Variants in SPOCD1 observed in about 807,000 individuals in gnomAD.
The protein encoded by SPOCD1 is SPOC domain-containing protein 1.
A neutral mutation model predicts 92.2 loss-of-function variants in SPOCD1; 64 were observed. That is an observed-to-expected ratio of 0.69 (90% CI 0.57 to 0.86). The LOEUF is 0.86. Ranked by LOEUF, SPOCD1 falls within the 40% of genes least tolerant of loss-of-function variation. The pLI, the probability that SPOCD1 is intolerant of heterozygous loss-of-function variation, is 0.00. For synonymous variants in SPOCD1, 578 were observed against 619.3 expected, an observed-to-expected ratio of 0.93 and a Z score of 0.99; for missense variants, 1,360 against 1,543.1, an observed-to-expected ratio of 0.88 and a Z score of 1.99.
chr1:31,798,314 G>A lies in SPOCD1; in HGVS notation c.2038C>T (p.Leu680Phe). ...GTGACATCTCCATGAACCACTTTGA[G>A]AAACAAGTCCTGGTGGGGGCAGGGG... ...LRDPRNLDLF[L>F]KVVHGDVTPY... is the part of the protein sequence containing the mutation. The change falls in exon 9 of 16, where the codon CTC becomes TTC. Residue 680 changes from leucine to phenylalanine, a missense_variant. Coordinates refer to ENST00000360482, the MANE Select transcript of SPOCD1 (RefSeq NM_144569.7). The surrounding 1 kb of genome is among the most constrained non-coding windows in gnomAD (Gnocchi z 4.1). The A allele has an allele frequency of 6.2e-7, 1 of 1,613,556 alleles. No individual in the cohort carries two copies. Among genetic ancestry groups the A allele is most frequent in the Non-Finnish European group, 8.5e-7 (1 of 1,179,846 alleles).
At chr1:31,800,652 G>A (rs772983264) in intron 3 of SPOCD1, 35 bp from the exon 4 acceptor site, 13 of 1,544,514 alleles carry the variant, frequency 8.4e-6, no homozygotes, top group Admixed American at 5.7e-5. Context: ...AGCAAGCGGG[G>A]CCAGCCGCTG....
chr1:31,792,339 G>C lies in SPOCD1; in HGVS notation c.2838C>G (p.Leu946=). 2 of 1,614,042 alleles carry C rather than the reference G, an allele frequency of 1.2e-6. No individual in the cohort carries two copies. Among genetic ancestry groups the C allele is most frequent in the Non-Finnish European group, 1.7e-6 (2 of 1,180,032 alleles). ...GARDTQNCRL[L]YSYLNDRQRH... is the part of the protein sequence containing the mutation. ...GCTGCCTATCATTGAGGTATGAGTA[G>C]AGCAGGCGGCAGTTCTGGGTGTCCC... The change falls in exon 15 of 16, where the codon CTC becomes CTG. Residue 946 remains leucine (L), a synonymous_variant. Transcript: ENST00000360482.
intron 10 of SPOCD1, chr1:31,795,668 C>T (rs1647956446): frequency 1.3e-5 from 2 of 152,198 alleles, no homozygotes; most frequent in Non-Finnish European, 2.9e-5. Flanking sequence ...GAGGTTCTCC[C>T]AGTCGTTGGC....
chr1:31,807,234 CAAAAATTAGCCAG>C (rs1648880511), intron 2 of SPOCD1, among the ~76,000 whole-genome samples: 1 of 146,840 alleles, frequency 6.8e-6, no homozygotes, highest in Non-Finnish European at 1.5e-5. Flanking sequence ...GCTAAAAATA[CAAAAATTAGCCAG>C]ACGTGGTGGC....
intron 2 of SPOCD1, among the ~76,000 whole-genome samples, chr1:31,809,781 A>C (rs946562989): frequency 3.3e-5 from 5 of 152,154 alleles, no homozygotes; most frequent in Admixed American, 6.5e-5. Flanking sequence ...GGAACAGAAG[A>C]AGCTCTCTCT....
At position 31,815,098 on chromosome 1, in the gene SPOCD1, C is replaced by T. The variant is rs201703298; in HGVS notation, c.236G>A (p.Arg79Gln). 300 of 1,612,794 alleles carry T rather than the reference C, an allele frequency of 1.9e-4. 5 individuals carry two copies. Among genetic ancestry groups the T allele is most frequent in the South Asian group, 3.3e-4 (30 of 91,064 alleles). Reference sequence around the variant, plus strand: ...AGCTAGCAGCTCCAAGACCCCTGGCCGGACCTCAGCAGCACCTGCAGCCCG... The same window carrying T: ...AGCTAGCAGCTCCAAGACCCCTGGCTGGACCTCAGCAGCACCTGCAGCCCG... ...SSRAAGAAEV[R>Q]PGVLELLAVV... is the part of the protein sequence containing the mutation. The change falls in exon 2 of 16, where the codon CGG becomes CAG. Residue 79 changes from arginine to glutamine, a missense_variant. Coordinates refer to ENST00000360482, the MANE Select transcript of SPOCD1 (RefSeq NM_144569.7).
At position 31,790,691 on chromosome 1, in the gene SPOCD1, G is replaced by A; in HGVS notation, c.3563C>T (p.Ala1188Val). ...PLQRLSSALA[A>V]PEPPGPARDS... ...ACGGGCTGGGCCAGGGGGCTCTGGA[G>A]CTGCAAGGGCGCTAGACAAACGCTG... The change falls in exon 16 of 16, where the codon GCT (alanine) becomes GTT (valine). Residue 1188 changes from alanine to valine, a missense_variant. Transcript: ENST00000360482. The A allele has an allele frequency of 1.3e-6, 2 of 1,551,910 alleles. No individual in the cohort carries two copies. Among genetic ancestry groups the A allele is most frequent in the Non-Finnish European group, 1.7e-6 (2 of 1,147,082 alleles).
At chr1:31,799,689 C>A in intron 6 of SPOCD1, 120 bp downstream of exon 6, 1 of 1,333,020 alleles carries the variant, frequency 7.5e-7, no homozygotes, top group Non-Finnish European at 1.1e-6. Context: ...GAGCTATAGG[C>A]TGATGGGATG....
chr1:31,811,064 C>T (rs1431376064), intron 2 of SPOCD1, among the ~76,000 whole-genome samples: 1 of 152,222 alleles, frequency 6.6e-6, no homozygotes, highest in Non-Finnish European at 1.5e-5. Context: ...CAGAAGAATA[C>T]AACACGGCCA....
chr1:31,792,426 T>G, intron 14 of SPOCD1, 25 bp from the exon 15 acceptor site: 1 of 1,608,616 alleles, frequency 6.2e-7, no homozygotes, highest in Non-Finnish European at 8.5e-7. Flanking sequence ...GGAGAGCAGC[T>G]GTAAGCGCAG....
intron 10 of SPOCD1, chr1:31,795,475 G>C (rs1254186538): frequency 1.3e-5 from 2 of 152,216 alleles, no homozygotes; most frequent in Non-Finnish European, 2.9e-5. Flanking sequence ...TCAATAAACA[G>C]TAAAGATAGC....
At position 31,804,161 on chromosome 1, in the gene SPOCD1, T is replaced by C. The variant is rs546481087; in HGVS notation, c.1384-2456A>G. Among the ~76,000 whole-genome samples the C allele has an allele frequency of 5.3e-5, 8 of 152,360 alleles. No individual in the cohort carries two copies. In the South Asian group the frequency reaches 1.7e-3, roughly 32 times the overall value. On this transcript the variant is annotated intron_variant, in intron 2 of 15. Transcript: ENST00000360482. ...CACTTGACTAGCACTTAAAATGTGCTACATCTGTGGCAAGTGCTTTACATA... is the reference window on the plus strand; with the variant it reads ...CACTTGACTAGCACTTAAAATGTGCCACATCTGTGGCAAGTGCTTTACATA...
chr1:31,799,218 A>G (rs1403243293), intron 7 of SPOCD1, among the ~76,000 whole-genome samples, 183 bp downstream of exon 7: 1 of 152,204 alleles, frequency 6.6e-6, no homozygotes, highest in Non-Finnish European at 1.5e-5. Flanking sequence ...CCTTAAAGCC[A>G]GAGAGACCCA....
intron 2 of SPOCD1, among the ~76,000 whole-genome samples, chr1:31,810,089 C>T (rs1188755302): frequency 6.6e-6 from 1 of 152,168 alleles, no homozygotes; most frequent in East Asian, 1.9e-4. Flanking sequence ...CTCCCCTCCC[C>T]TCTGGACATC....
intron 9 of SPOCD1, 41 bp from the exon 10 acceptor site, chr1:31,796,756 G>A: frequency 1.2e-6 from 2 of 1,612,422 alleles, no homozygotes; most frequent in African/African-American, 2.7e-5. Flanking sequence ...CAGTTAGGGG[G>A]CCTCTGGCCA....
Position 31,798,929 on chromosome 1 carries a change from G to C in SPOCD1, c.1869-328C>G, listed in dbSNP as rs1385458193. On this transcript the variant is annotated intron_variant, in intron 7 of 15. Coordinates refer to ENST00000360482, the MANE Select transcript of SPOCD1 (RefSeq NM_144569.7). This position sits in a 1 kb window ranked among gnomAD's most constrained non-coding sequence, Gnocchi z 4.1. ...CTCTGGCTCACGGGATGTGTGGAGG[G>C]GAGGAAGCCGGGGTCAGGTCAGAGT... 7.2e-6 allele frequency: 4 copies of C among 558,624 alleles called. No individual in the cohort carries two copies. Among genetic ancestry groups the C allele is most frequent in the Non-Finnish European group, 6.3e-6 (2 of 317,384 alleles). 34.6% of individuals were successfully genotyped at this position (558,624 alleles called of 1,614,324 possible). A position where few individuals can be genotyped will look rare whatever the true frequency, so the allele number is the denominator to read the frequency against.
chr1:31,792,484 G>T, intron 14 of SPOCD1, 83 bp from the exon 15 acceptor site: 1 of 1,436,100 alleles, frequency 7.0e-7, no homozygotes, highest in Non-Finnish European at 9.5e-7. Context: ...AAACCCCTGA[G>T]AACCCCGTGA....
At chr1:31,813,882 C>T in intron 2 of SPOCD1, 69 bp downstream of exon 2, 1 of 1,349,514 alleles carries the variant, frequency 7.4e-7, no homozygotes. Context: ...TATTAAATTC[C>T]ACTGCCAAGT....
Position 31,799,409 on chromosome 1 carries a change from T to C in SPOCD1, c.1860A>G (p.Leu620=), listed in dbSNP as rs748947050. Residue 620 remains leucine (L), a synonymous_variant, in exon 7 of 16, where the codon CTA becomes CTG. Transcript: ENST00000360482. ...GTVVRSMQEV[L]WTRLRELPDP... Reference sequence around the variant, plus strand: ...GGGGAGCAAGGCCTCACCGAGTCCATAGTACCTCCTGCATGGAACGGACAA... The same window carrying C: ...GGGGAGCAAGGCCTCACCGAGTCCACAGTACCTCCTGCATGGAACGGACAA... 50 of 1,609,636 alleles carry C rather than the reference T, an allele frequency of 3.1e-5. No individual in the cohort carries two copies. The Admixed American group carries it at 5.6e-4, about 18-fold the overall frequency.
Sources: gnomAD v4.1 joint callset for allele counts (sites outside exome capture counted in the v4.1 genomes callset) on GRCh38, gnomAD v4.1.1 for gene constraint, Gnocchi (gnomAD v3.1) non-coding constraint, MANE v1.5 for transcripts, NCBI Gene and HGNC (gene_info 2026-07-23, HGNC 2026-07-21) for gene names.